SLC2A2: variants seen among roughly 807,000 people sequenced by gnomAD.
SLC2A2 encodes the protein solute carrier family 2 member 2.
A neutral mutation model predicts 54.5 loss-of-function variants in SLC2A2; 36 were observed. The observed-to-expected ratio is 0.66, with a 90% confidence interval of 0.51 to 0.87. The LOEUF (loss-of-function observed/expected upper bound fraction) is 0.87, where lower values mean the gene tolerates loss of function less well. SLC2A2 is among the 40% of genes least tolerant of loss of function. The pLI is 0.00. For synonymous variants in SLC2A2, 223 were observed against 219.1 expected (o/e 1.02, Z -0.16); for missense variants, 543 against 624.3 (o/e 0.87, Z 1.39).
chr3:171,023,929 A>G (rs1332645911), intron 1 of SLC2A2, among the ~76,000 whole-genome samples: 1 of 152,198 alleles, frequency 6.6e-6, no homozygotes, highest in African/African-American at 2.4e-5. Flanking sequence ...TATCCAATTT[A>G]AAATATGCTG....
chr3:171,002,467 G>A (rs927279234), intron 8 of SLC2A2, 109 bp downstream of exon 8: 4 of 738,734 alleles, frequency 5.4e-6, no homozygotes, highest in Non-Finnish European at 4.9e-6. Context: ...CACACTTAGA[G>A]CATGTGTACA....
intron 1 of SLC2A2, among the ~76,000 whole-genome samples, chr3:171,019,505 T>A (rs1389132323): frequency 5.9e-5 from 9 of 152,108 alleles, no homozygotes; most frequent in African/African-American, 1.7e-4. Flanking sequence ...TTCATCCCCT[T>A]GAACTCATAT....
chr3:171,024,956 A>G (rs530156793), intron 1 of SLC2A2, among the ~76,000 whole-genome samples: 3 of 152,240 alleles, frequency 2.0e-5, no homozygotes, highest in African/African-American at 7.2e-5. Flanking sequence ...AAAATTAATG[A>G]TAGTTTTGAA....
intron 2 of SLC2A2, among the ~76,000 whole-genome samples, chr3:171,015,939 ACGAGGCCATCTTCCTCC>A (rs879888145): frequency 2.6e-3 from 395 of 152,250 alleles, no homozygotes; most frequent in Non-Finnish European, 3.6e-3. Flanking sequence ...TGGGAGGAAG[ACGAGGCCATCTTCCTCC>A]CATGTCATTC....
At chr3:171,002,431 C>T (rs1715382553) in intron 8 of SLC2A2, 145 bp downstream of exon 8, 3 of 683,214 alleles carry the variant, frequency 4.4e-6, no homozygotes, top group Non-Finnish European at 8.1e-6. Context: ...TCAAACAGGA[C>T]TCTTCTCATG....
chr3:171,001,695 T>C (rs917489695), intron 8 of SLC2A2, among the ~76,000 whole-genome samples: 17 of 152,046 alleles, frequency 1.1e-4, no homozygotes, highest in African/African-American at 4.1e-4. Context: ...CATTCTACAG[T>C]GAATTACATT....
At chr3:171,015,273 A>G (rs1216299302) in intron 2 of SLC2A2, among the ~76,000 whole-genome samples, 1 of 152,128 alleles carries the variant, frequency 6.6e-6, no homozygotes, top group African/African-American at 2.4e-5. Context: ...GTTTGAGACT[A>G]GGCTGGGCAA....
At position 171,024,075 on chromosome 3, in the gene SLC2A2, C is replaced by T. The variant is rs182201458; in HGVS notation, c.15+2581G>A. 1.6e-3 allele frequency among the ~76,000 whole-genome samples: 243 copies of T among 152,160 alleles called. 2 individuals are homozygous for T. The highest frequency in any genetic ancestry group is 2.6e-3 in the Non-Finnish European group (174 of 67,998). On this transcript the variant is annotated intron_variant, in intron 1 of 10. Transcript: ENST00000314251. The stretch of plus-strand genomic sequence containing the variant: ...AATAGATGTGGGAGTCAGAAAAGCT[C>T]CAAAAGAGTCCCAGCTAGGCTCCTA...
At position 170,997,878 on chromosome 3, in the gene SLC2A2, C is replaced by T; in HGVS notation, c.*25G>A. On this transcript the variant is annotated 3_prime_UTR_variant, in exon 11 of 11. Coordinates refer to ENST00000314251, the MANE Select transcript of SLC2A2 (RefSeq NM_000340.2). The stretch of plus-strand genomic sequence containing the variant: ...AGACGGTTCCCTTATTGTTTCTGTT[C>T]ATGTCAAAAAGCAGGGTTTTTTTTT... 4.4e-6 allele frequency: 7 copies of T among 1,581,344 alleles called. No homozygotes were observed. Among genetic ancestry groups the T allele is most frequent in the Non-Finnish European group, 5.2e-6 (6 of 1,153,206 alleles).
intron 4 of SLC2A2, 128 bp downstream of exon 4, chr3:171,009,830 C>A (rs568044751): frequency 1.9e-4 from 248 of 1,316,420 alleles, no homozygotes; most frequent in Non-Finnish European, 2.5e-4. Flanking sequence ...TATTGCCTTT[C>A]CCTCTGTGAT....
At chr3:171,021,453 T>C (rs1716463202) in intron 1 of SLC2A2, among the ~76,000 whole-genome samples, 1 of 152,216 alleles carries the variant, frequency 6.6e-6, no homozygotes, top group African/African-American at 2.4e-5. Flanking sequence ...CCGTAACAAA[T>C]TACCACCAGT....
chr3:171,006,422 G>T (rs529304401), intron 5 of SLC2A2, among the ~76,000 whole-genome samples: 1 of 152,034 alleles, frequency 6.6e-6, no homozygotes, highest in South Asian at 2.1e-4. Flanking sequence ...GCAAAAATAC[G>T]TACTTGATAT....
chr3:170,998,324 G>C lies in SLC2A2; in HGVS notation c.1243C>G (p.Pro415Ala). The change falls in exon 10 of 11, where the codon CCA becomes GCA. Residue 415 changes from proline to alanine, a missense_variant. By Grantham distance (27) the Pro-to-Ala change is conservative. Coordinates refer to ENST00000314251, the MANE Select transcript of SLC2A2 (RefSeq NM_000340.2). ...ACCATGAACCAGGGGATCGGGCCTG[G>C]CCCAATTTCAAAGAAGCTGACAAAG... ...FLFVSFFEIGPGPIPWFMVAE... is the reference protein window; with the variant it reads ...FLFVSFFEIGAGPIPWFMVAE... The C allele has an allele frequency of 6.2e-7, 1 of 1,613,688 alleles. No homozygotes were observed. Among genetic ancestry groups the C allele is most frequent in the Non-Finnish European group, 8.5e-7 (1 of 1,179,768 alleles).
intron 8 of SLC2A2, among the ~76,000 whole-genome samples, chr3:171,001,369 C>A (rs61791071): frequency 1.3e-5 from 2 of 151,780 alleles, no homozygotes; most frequent in Admixed American, 6.6e-5. Context: ...TTTAGAGTGG[C>A]CTTTTGGTTT....
At chr3:171,005,508 G>GC in intron 6 of SLC2A2, 36 bp from the exon 7 acceptor site, 1 of 1,551,976 alleles carries the variant, frequency 6.4e-7, no homozygotes, top group Non-Finnish European at 8.9e-7. Context: ...AACAACTCAG[G>GC]CCAAAACAAA....
At chr3:171,009,118 G>A (rs1166425904) in intron 4 of SLC2A2, among the ~76,000 whole-genome samples, 3 of 152,052 alleles carry the variant, frequency 2.0e-5, no homozygotes, top group African/African-American at 2.4e-5. Flanking sequence ...ACCTAGCACC[G>A]TCAAAATCAG....
intron 7 of SLC2A2, among the ~76,000 whole-genome samples, chr3:171,003,682 T>A (rs915109150): frequency 2.0e-5 from 3 of 152,000 alleles, no homozygotes; most frequent in African/African-American, 7.2e-5. Flanking sequence ...TTTTAGCTAT[T>A]GATTATGAAT....
At chr3:171,023,482 C>A (rs1716554243) in intron 1 of SLC2A2, among the ~76,000 whole-genome samples, 1 of 152,166 alleles carries the variant, frequency 6.6e-6, no homozygotes, top group Non-Finnish European at 1.5e-5. Flanking sequence ...TGGCTTGGCT[C>A]TAGACTTGGT....
chr3:171,021,691 G>T (rs1716474838), intron 1 of SLC2A2, among the ~76,000 whole-genome samples: 1 of 152,194 alleles, frequency 6.6e-6, no homozygotes. Context: ...TTGGTAGGCT[G>T]TGTTCCTTTC....
Sources: gnomAD v4.1 joint callset for allele counts (sites outside exome capture counted in the v4.1 genomes callset) on GRCh38, gnomAD v4.1.1 for gene constraint, MANE v1.5 for transcripts, NCBI Gene and HGNC (gene_info 2026-07-23, HGNC 2026-07-21) for gene names.